The following TEP1 variants were observed in gnomAD, a reference collection of about 807,000 sequenced individuals.
The protein encoded by TEP1 is telomerase associated protein 1.
A neutral mutation model predicts 306.3 loss-of-function variants in TEP1; 241 were observed. The observed-to-expected ratio is 0.79, with a 90% CI of 0.71 to 0.88. The LOEUF (loss-of-function observed/expected upper bound fraction) is 0.88, where lower values mean the gene tolerates loss of function less well. Ranked by LOEUF, TEP1 falls within the 40% of genes least tolerant of loss-of-function variation. The pLI is 0.00. For synonymous variants in TEP1, 1,289 were observed against 1,305.5 expected (o/e 0.99, Z 0.27); for missense variants, 3,051 against 3,276.1 (o/e 0.93, Z 1.68).
chr14:20,401,519 C>T lies in TEP1; in HGVS notation c.1329G>A (p.Lys443=), dbSNP rs1250914540. The change falls in exon 8 of 55, where the codon AAG becomes AAA. Residue 443 remains lysine, a synonymous_variant. Transcript: ENST00000262715. ...TGTGGATGTGCAGTCGCTGAACCAG[C>T]TTCTTCAGGGTGAACCTTGGAGGAT... ...KKNPPRFTLK[K]LVQRLHIHKP... is the part of the protein sequence containing the mutation. The T allele has an allele frequency of 6.2e-7, 1 of 1,614,234 alleles. No individual in the cohort carries two copies. The highest frequency in any genetic ancestry group is 8.5e-7 in the Non-Finnish European group (1 of 1,180,044).
At chr14:20,404,581 G>A (rs2275009) in intron 5 of TEP1, 30 bp downstream of exon 5, 198,561 of 1,593,432 alleles carry the variant, frequency 0.12, 14,295 homozygotes, top group East Asian at 0.29. Flanking sequence ...ATGAAGTGAA[G>A]GCCCAAGCTC....
At position 20,381,902 on chromosome 14, in the gene TEP1, G is replaced by A. The variant is rs1195451690; in HGVS notation, c.4424+11C>T. 1 of 1,613,492 alleles carries A rather than the reference G, an allele frequency of 6.2e-7. No individual in the cohort carries two copies. The highest frequency in any genetic ancestry group is 1.3e-5 in the African/African-American group (1 of 75,028). On this transcript the variant is annotated intron_variant, in intron 30 of 54. Coordinates refer to ENST00000262715, the MANE Select transcript of TEP1 (RefSeq NM_007110.5). The surrounding 1 kb of genome is among the most constrained non-coding windows in gnomAD (Gnocchi z 4.0). The stretch of plus-strand genomic sequence containing the variant: ...GAGAGGTCAGCGGGAGCTCTGCTGG[G>A]GCACCTGTACCTGCGCAGACTCTGG...
intron 51 of TEP1, among the ~76,000 whole-genome samples, chr14:20,370,493 C>T (rs757601501): frequency 6.6e-6 from 1 of 152,152 alleles, no homozygotes; most frequent in Non-Finnish European, 1.5e-5. Flanking sequence ...ATAATGTCTA[C>T]GAGGTATGTC....
At position 20,373,802 on chromosome 14, in the gene TEP1, G is replaced by GT; in HGVS notation, c.6479dup (p.His2160GlnfsTer32). ...TCCCATCCCGGCTCACAGACACCAC[G>GT]TGCTCCTCCTGCCCACAGAGCACAA... On this transcript the variant is annotated frameshift_variant, in exon 45 of 55. Coordinates refer to ENST00000262715, the MANE Select transcript of TEP1 (RefSeq NM_007110.5). LOFTEE classifies it high-confidence loss of function. The GT allele has an allele frequency of 6.2e-7, 1 of 1,612,932 alleles. No homozygotes were observed. The highest frequency in any genetic ancestry group is 1.1e-5 in the South Asian group (1 of 91,012).
In TEP1 at chr14:20,403,887, G is replaced by C; in HGVS notation, c.1033-3C>G. On this transcript the variant is annotated splice_polypyrimidine_tract_variant and splice_region_variant and intron_variant, in intron 5 of 54. Coordinates refer to ENST00000262715, the MANE Select transcript of TEP1 (RefSeq NM_007110.5). ...TTCTTATCTCCCTCAGCCAGGCTCT[G>C]TCAAAGAGAGAGGAGAGACCACTAG... is the stretch of plus-strand genomic sequence containing the variant. 2 of 1,614,064 alleles carry C rather than the reference G, an allele frequency of 1.2e-6. No homozygotes were observed. The highest frequency in any genetic ancestry group is 1.7e-6 in the Non-Finnish European group (2 of 1,180,030).
rs750262745 is a variant in TEP1, at chr14:20,395,966, G to A, written c.1660-17C>T. 4.3e-6 allele frequency: 7 copies of A among 1,611,774 alleles called. No individual in the cohort carries two copies. The South Asian group carries it at 7.7e-5, about 18-fold the overall frequency. The stretch of plus-strand genomic sequence containing the variant: ...CACCGACTTCTAGAAAGCAAAGGAG[G>A]GAGGGGTCATGAGCACAGGAGCCGG... On this transcript the variant is annotated splice_polypyrimidine_tract_variant and intron_variant, in intron 10 of 54. Coordinates refer to ENST00000262715, the MANE Select transcript of TEP1 (RefSeq NM_007110.5).
Position 20,383,415 on chromosome 14 carries a change from C to A in TEP1, c.3868-62G>T, listed in dbSNP as rs529904736. On this transcript the variant is annotated intron_variant, in intron 26 of 54. Transcript: ENST00000262715. ...GAAAAGGAGAACCACATTGGAGAGG[C>A]CTCTCTCCTCCGTGCCGTATCCCTC... The A allele has an allele frequency of 1.8e-4, 285 of 1,606,626 alleles. 4 individuals carry two copies. In the South Asian group the frequency reaches 3.0e-3, roughly 17 times the overall value.
In TEP1 at chr14:20,375,766, CT is replaced by C; in HGVS notation, c.6351del (p.Asp2118IlefsTer4). On this transcript the variant is annotated frameshift_variant, in exon 43 of 55. Transcript: ENST00000262715. LOFTEE classifies it high-confidence loss of function. ...GGCCCTTTACTCACCAGTAGGTTATCTTTGGTCCAGGCACAGCCAGTGACCC... is the reference window on the plus strand; with the variant it reads ...GGCCCTTTACTCACCAGTAGGTTATCTTGGTCCAGGCACAGCCAGTGACCC... ...RDWVTGCAWT[K>X]DNLLISCSSD... The C allele has an allele frequency of 6.2e-7, 1 of 1,613,152 alleles. No individual in the cohort carries two copies. The highest frequency in any genetic ancestry group is 2.2e-5 in the East Asian group (1 of 44,862).
chr14:20,366,407 T>C lies in TEP1; in HGVS notation c.*2030A>G, dbSNP rs998021979. The C allele has an allele frequency of 3.3e-5, 5 of 152,228 alleles. 1 individual carries two copies. The highest frequency in any genetic ancestry group is 4.1e-4 in the South Asian group (2 of 4,832). 9.4% of individuals were successfully genotyped at this position (152,228 alleles called of 1,614,324 possible). The stretch of plus-strand genomic sequence containing the variant: ...ATGCCATAGTTCGCTGCAGGATTTC[T>C]GGCAAGGATTATGGATCATAAATTT... On this transcript the variant is annotated 3_prime_UTR_variant, in exon 55 of 55. Coordinates refer to ENST00000262715, the MANE Select transcript of TEP1 (RefSeq NM_007110.5).
At chr14:20,394,837 G>A (rs1463149145) in intron 12 of TEP1, among the ~76,000 whole-genome samples, 1 of 152,124 alleles carries the variant, frequency 6.6e-6, no homozygotes, top group African/African-American at 2.4e-5. Context: ...ACTGATTCAG[G>A]AGATTCCTAG....
Position 20,377,502 on chromosome 14 carries a change from G to C in TEP1, c.5876-10C>G. ...TGAGCCCCCTGGGAACCTAGAGAATGAGAGAGAACAAGGGAGTAAGACACT... is the reference window on the plus strand; with the variant it reads ...TGAGCCCCCTGGGAACCTAGAGAATCAGAGAGAACAAGGGAGTAAGACACT... On this transcript the variant is annotated splice_polypyrimidine_tract_variant and intron_variant, in intron 40 of 54. Transcript: ENST00000262715. The C allele has an allele frequency of 1.2e-6, 2 of 1,613,410 alleles. No homozygotes were observed. Among genetic ancestry groups the C allele is most frequent in the Non-Finnish European group, 1.7e-6 (2 of 1,179,490 alleles).
chr14:20,373,281 G>A lies in TEP1; in HGVS notation c.6803C>T (p.Pro2268Leu). ...CAAGCCTCACTCACCTGCTTCCTTA[G>A]GAACCTGCCAGAGCCGTACAGAACC... Reference protein sequence around the residue: ...EDGSVRLWQVPKEADDTCIPR... With the variant: ...EDGSVRLWQVLKEADDTCIPR... Residue 2268 changes from proline to leucine, a missense_variant, in exon 47 of 55, where the codon CCT (proline) becomes CTT (leucine). By Grantham distance (98) the Pro-to-Leu change is moderately conservative. Transcript: ENST00000262715. 3 of 1,614,080 alleles carry A rather than the reference G, an allele frequency of 1.9e-6. No individual in the cohort carries two copies. Among genetic ancestry groups the A allele is most frequent in the Non-Finnish European group, 2.5e-6 (3 of 1,179,958 alleles).
Position 20,379,973 on chromosome 14 carries a change from G to T in TEP1, c.5084C>A (p.Thr1695Asn). 6.2e-7 allele frequency: 1 copy of T among 1,614,094 alleles called. No homozygotes were observed. The highest frequency in any genetic ancestry group is 1.1e-5 in the South Asian group (1 of 91,066). The change falls in exon 35 of 55, where the codon ACT becomes AAT. Residue 1695 changes from threonine to asparagine, a missense_variant. Physicochemically the swap from Thr to Asn is moderately conservative, Grantham distance 65 (BLOSUM62 0). Transcript: ENST00000262715. Reference protein sequence around the residue: ...STNGQRAAVGTANGTVYLLDL... With the variant: ...STNGQRAAVGNANGTVYLLDL... ...CAACAGGTAAACTGTCCCATTGGCA[G>T]TGCCCACAGCTGCTCTTTGCCCATT... is the stretch of plus-strand genomic sequence containing the variant.
In TEP1 at chr14:20,374,460, T is replaced by G; in HGVS notation, c.6440A>C (p.His2147Pro). The G allele has an allele frequency of 6.2e-7, 1 of 1,613,434 alleles. No individual in the cohort carries two copies. The highest frequency in any genetic ancestry group is 8.5e-7 in the Non-Finnish European group (1 of 1,179,920). ...TGCCACAGCGCTCACAGCACTCTGA[T>G]GACCCAGGAACTGACCAAGCCGCTG... is the stretch of plus-strand genomic sequence containing the variant. ...SGQRLGQFLG[H>P]QSAVSAVAAV... The change falls in exon 44 of 55, where the codon CAT (histidine) becomes CCT (proline). Residue 2147 changes from histidine (H) to proline (P), a missense_variant. By Grantham distance (77) the His-to-Pro change is moderately conservative. Coordinates refer to ENST00000262715, the MANE Select transcript of TEP1 (RefSeq NM_007110.5).
At chr14:20,395,800 T>G (rs1310568610) in intron 11 of TEP1, 59 bp downstream of exon 11, 1 of 1,564,966 alleles carries the variant, frequency 6.4e-7, no homozygotes, top group East Asian at 2.2e-5. Flanking sequence ...TTGGTGCTGC[T>G]GCTTCATTTA....
In TEP1 at chr14:20,378,974, C is replaced by A. The variant is rs769567054; in HGVS notation, c.5252+7G>T. ...TCATTCCAAGACAAATGGGGAGGACCCCTTACCGACAACCATGCTGCAGGT... is the reference window on the plus strand; with the variant it reads ...TCATTCCAAGACAAATGGGGAGGACACCTTACCGACAACCATGCTGCAGGT... On this transcript the variant is annotated splice_region_variant and intron_variant, in intron 36 of 54. Coordinates refer to ENST00000262715, the MANE Select transcript of TEP1 (RefSeq NM_007110.5). The A allele has an allele frequency of 2.6e-5, 42 of 1,614,068 alleles. No individual in the cohort carries two copies. The highest frequency in any genetic ancestry group is 3.5e-5 in the Non-Finnish European group (41 of 1,180,046).
At chr14:20,395,334 C>A (rs745806234) in intron 12 of TEP1, 116 bp downstream of exon 12, 62 of 1,079,630 alleles carry the variant, frequency 5.7e-5, no homozygotes, top group Non-Finnish European at 4.5e-5. Context: ...TGAGCCACTG[C>A]GATGACTGAC....
At chr14:20,407,020 T>C (rs1879228479) in intron 2 of TEP1, among the ~76,000 whole-genome samples, 2 of 152,200 alleles carry the variant, frequency 1.3e-5, no homozygotes, top group Admixed American at 6.5e-5. Context: ...CAAGGTTGCA[T>C]AGTTTGTAAT....
Position 20,374,440 on chromosome 14 carries a change from C to G in TEP1, c.6460G>C (p.Val2154Leu), listed in dbSNP as rs746701748. ...CATTGCTTTCTCACCACAGCTGCCA[C>G]AGCGCTCACAGCACTCTGATGACCC... ...FLGHQSAVSA[V>L]AAVEEHVVSV... is the part of the protein sequence containing the mutation. Residue 2154 changes from valine (V) to leucine (L), a missense_variant, in exon 44 of 55, where the codon GTG (valine) becomes CTG (leucine). Physicochemically the swap from Val to Leu is conservative, Grantham distance 32. Coordinates refer to ENST00000262715, the MANE Select transcript of TEP1 (RefSeq NM_007110.5). 3.7e-6 allele frequency: 6 copies of G among 1,612,450 alleles called. No homozygotes were observed. Among genetic ancestry groups the G allele is most frequent in the Non-Finnish European group, 5.1e-6 (6 of 1,179,638 alleles).
Sources: gnomAD v4.1 joint callset for allele counts (sites outside exome capture counted in the v4.1 genomes callset) on GRCh38, gnomAD v4.1.1 for gene constraint, Gnocchi (gnomAD v3.1) non-coding constraint, MANE v1.5 for transcripts, NCBI Gene and HGNC (gene_info 2026-07-23, HGNC 2026-07-21) for gene names.